The following MYRIP variants were observed in gnomAD, a reference collection of about 807,000 sequenced individuals.
MYRIP encodes myosin VIIA and Rab interacting protein.
In MYRIP, 49 loss-of-function variants were observed where a neutral mutation model predicts 98.0. The ratio of observed to expected loss-of-function variants is 0.50; its 90% confidence interval spans 0.40 to 0.63. The LOEUF is 0.63. MYRIP is among the 30% of genes least tolerant of loss of function. MYRIP has a pLI of 0.00. For missense variants in MYRIP, 1,004 were observed against 1,058.2 expected, an observed-to-expected ratio of 0.95 and a Z score of 0.71; for synonymous variants, 404 against 409.5, an observed-to-expected ratio of 0.99 and a Z score of 0.16.
At chr3:40,130,431 G>A (rs900308302) in intron 3 of MYRIP, among the ~76,000 whole-genome samples, 5 of 148,524 alleles carry the variant, frequency 3.4e-5, no homozygotes, top group Non-Finnish European at 5.9e-5. Context: ...AGGCGGGAGT[G>A]CAGTGGCGCA....
rs547228105 is a variant in MYRIP at position 40,241,629 on chromosome 3, T to C, written c.2101-2817T>C. Among the ~76,000 whole-genome samples, 13 of 152,302 alleles carry C rather than the reference T, an allele frequency of 8.5e-5. No homozygotes were observed. In the South Asian group the frequency reaches 2.7e-3, roughly 32 times the overall value. On this transcript the variant is annotated intron_variant, in intron 12 of 16. Transcript: ENST00000302541. ...GTTTAACACTCTTTATTCTAGAGAA[T>C]TTAATCACAAATAGGTGTTTCATTA... is the stretch of plus-strand genomic sequence containing the variant.
At chr3:40,172,567 T>C (rs373526185) in intron 8 of MYRIP, among the ~76,000 whole-genome samples, 49 of 152,304 alleles carry the variant, frequency 3.2e-4, no homozygotes, top group African/African-American at 1.1e-3. Flanking sequence ...TTACCTTATT[T>C]CCACGTTTCA....
chr3:40,079,917 A>C (rs1948437487), intron 3 of MYRIP, among the ~76,000 whole-genome samples: 1 of 152,214 alleles, frequency 6.6e-6, no homozygotes, highest in African/African-American at 2.4e-5. Context: ...TTTTCTAAGA[A>C]ACTAATTTTA....
intron 2 of MYRIP, among the ~76,000 whole-genome samples, chr3:39,953,682 T>A (rs1232735807): frequency 6.6e-6 from 1 of 152,102 alleles, no homozygotes; most frequent in Non-Finnish European, 1.5e-5. Context: ...TGGGGCTTGT[T>A]GGACAGTGGG....
intron 1 of MYRIP, among the ~76,000 whole-genome samples, chr3:39,821,325 C>T (rs998516082): frequency 1.4e-4 from 21 of 150,972 alleles, no homozygotes; most frequent in African/African-American, 5.1e-4. Context: ...CACCCCCGAC[C>T]CCTGTACCAC....
intron 2 of MYRIP, among the ~76,000 whole-genome samples, chr3:40,011,981 C>A (rs988754260): frequency 6.6e-6 from 1 of 152,090 alleles, no homozygotes; most frequent in Non-Finnish European, 1.5e-5. Context: ...TATATACTTA[C>A]TTATAAACAC....
intron 2 of MYRIP, among the ~76,000 whole-genome samples, chr3:39,931,639 A>C (rs1944539572): frequency 6.6e-6 from 1 of 152,126 alleles, no homozygotes; most frequent in Non-Finnish European, 1.5e-5. Flanking sequence ...CTATGATTTT[A>C]ACTGTGATTT....
intron 3 of MYRIP, among the ~76,000 whole-genome samples, chr3:40,137,068 C>A (rs1312860722): frequency 1.3e-5 from 2 of 152,198 alleles, no homozygotes; most frequent in Middle Eastern, 3.4e-3. Context: ...ACACAAAAAA[C>A]CCTTCAAAAA....
chr3:40,145,613 T>C lies in MYRIP; in HGVS notation c.333-5435T>C, dbSNP rs575305826. On this transcript the variant is annotated intron_variant, in intron 3 of 16. Transcript: ENST00000302541. ...AGAGGGACTTTAGAATCTCACACCA[T>C]GGGTGGGAAGTGTAAATTGGTGCAA... Among the ~76,000 whole-genome samples, 8 of 152,288 alleles carry C rather than the reference T, an allele frequency of 5.3e-5. No homozygotes were observed. The South Asian group carries it at 6.2e-4, about 12-fold the overall frequency.
At chr3:40,188,213 A>G (rs1951089220) in intron 9 of MYRIP, among the ~76,000 whole-genome samples, 1 of 152,234 alleles carries the variant, frequency 6.6e-6, no homozygotes. Flanking sequence ...TAGCAGGTAC[A>G]ATGCTCTGTG....
chr3:40,095,827 T>C (rs925556905), intron 3 of MYRIP, among the ~76,000 whole-genome samples: 1 of 151,190 alleles, frequency 6.6e-6, no homozygotes, highest in Non-Finnish European at 1.5e-5. Context: ...CAGACCCTCT[T>C]CTATCCTCCT....
chr3:39,973,104 G>A (rs1945638372), intron 2 of MYRIP, among the ~76,000 whole-genome samples: 1 of 151,984 alleles, frequency 6.6e-6, no homozygotes, highest in African/African-American at 2.4e-5. Context: ...GACACAGACT[G>A]GCAAATTGGA....
chr3:40,247,648 C>T (rs1273567949), intron 13 of MYRIP, among the ~76,000 whole-genome samples: 1 of 152,120 alleles, frequency 6.6e-6, no homozygotes, highest in Non-Finnish European at 1.5e-5. Context: ...CTCAGCCTCC[C>T]GAGTAGCTGG....
chr3:40,158,595 G>T (rs1462575368), intron 4 of MYRIP, among the ~76,000 whole-genome samples: 1 of 152,132 alleles, frequency 6.6e-6, no homozygotes, highest in Non-Finnish European at 1.5e-5. Flanking sequence ...TGACAGTGGG[G>T]TGTTAAAGTC....
At chr3:39,907,450 G>A (rs1041206351) in intron 2 of MYRIP, among the ~76,000 whole-genome samples, 26 of 152,176 alleles carry the variant, frequency 1.7e-4, no homozygotes, top group African/African-American at 5.8e-4. Flanking sequence ...CTTCCAGGTC[G>A]GGGCACTTAA....
chr3:39,974,077 C>CA (rs576065423), intron 2 of MYRIP, among the ~76,000 whole-genome samples: 1 of 139,576 alleles, frequency 7.2e-6, no homozygotes, highest in Non-Finnish European at 1.6e-5. Flanking sequence ...AATAGAGACA[C>CA]AAAAAACCCT....
intron 2 of MYRIP, among the ~76,000 whole-genome samples, chr3:39,955,209 A>G (rs1945125373): frequency 6.6e-6 from 1 of 152,180 alleles, no homozygotes; most frequent in Non-Finnish European, 1.5e-5. Context: ...GAGCAACTCC[A>G]TGACACCAAT....
intron 1 of MYRIP, among the ~76,000 whole-genome samples, chr3:39,864,269 C>T (rs777221306): frequency 1.3e-5 from 2 of 152,080 alleles, no homozygotes; most frequent in African/African-American, 2.4e-5. Context: ...CTCATCACTC[C>T]TATTCAACAT....
At chr3:39,923,066 G>T (rs924956309) in intron 2 of MYRIP, among the ~76,000 whole-genome samples, 1 of 152,144 alleles carries the variant, frequency 6.6e-6, no homozygotes, top group Non-Finnish European at 1.5e-5. Flanking sequence ...TGTGAAAAAT[G>T]CAATAACTGA....
Sources: allele counts gnomAD v4.1 joint callset (sites outside exome capture counted in the v4.1 genomes callset), GRCh38; gene constraint gnomAD v4.1.1; transcripts MANE v1.5; gene names NCBI Gene and HGNC (gene_info 2026-07-23, HGNC 2026-07-21).